The following EAF1 variants were observed in gnomAD, a reference collection of about 807,000 sequenced individuals.
The protein encoded by EAF1 is ELL associated factor 1.
In EAF1, 19 loss-of-function variants were observed where a neutral mutation model predicts 26.6. The ratio of observed to expected loss-of-function variants is 0.71; its 90% CI spans 0.50 to 1.05. The LOEUF (loss-of-function observed/expected upper bound fraction) is 1.05, where lower values mean the gene tolerates loss of function less well. Ranked by LOEUF, EAF1 falls within the 50% of genes least tolerant of loss-of-function variation. The pLI, the probability that EAF1 is intolerant of heterozygous loss-of-function variation, is 0.00. For missense variants in EAF1, 260 were observed against 335.5 expected (o/e 0.78, Z 1.76); for synonymous variants, 102 against 120.6 (o/e 0.85, Z 1.01).
At chr3:15,430,117 G>A (rs1047016078) in intron 2 of EAF1, 110 bp downstream of exon 2, 6 of 865,412 alleles carry the variant, frequency 6.9e-6, no homozygotes, top group Non-Finnish European at 8.6e-6. Flanking sequence ...TTTCTAAAGT[G>A]GCAACTTAAG....
chr3:15,433,674 G>GA (rs2061815577), intron 3 of EAF1, among the ~76,000 whole-genome samples: 1 of 152,186 alleles, frequency 6.6e-6, no homozygotes. Flanking sequence ...ATAGATAATG[G>GA]AAAAAATTTT....
intron 3 of EAF1, among the ~76,000 whole-genome samples, chr3:15,433,827 C>T (rs765632021): frequency 2.0e-5 from 3 of 152,164 alleles, no homozygotes; most frequent in Non-Finnish European, 2.9e-5. Flanking sequence ...GTATGGAAAC[C>T]TGATATACGG....
Position 15,432,418 on chromosome 3 carries a change from A to G in EAF1, c.335+195A>G, listed in dbSNP as rs370102135. ...TTCCTCAAATGCAATAAAAAGAAAT[A>G]ATGTTTTTTAAGACCTAAAACATGG... is the stretch of plus-strand genomic sequence containing the variant. On this transcript the variant is annotated intron_variant, in intron 3 of 5. Coordinates refer to ENST00000396842, the MANE Select transcript of EAF1 (RefSeq NM_033083.7). Among the ~76,000 whole-genome samples, 9 of 152,320 alleles carry G rather than the reference A, an allele frequency of 5.9e-5. No individual in the cohort carries two copies. The South Asian group carries it at 1.2e-3, about 21-fold the overall frequency.
chr3:15,439,238 G>T lies in EAF1; in HGVS notation c.*83G>T. 1 of 1,390,496 alleles carries T rather than the reference G, an allele frequency of 7.2e-7. No individual in the cohort carries two copies. The highest frequency in any genetic ancestry group is 1.3e-5 in the South Asian group (1 of 79,440). 86.1% of individuals were successfully genotyped at this position (1,390,496 alleles called of 1,614,324 possible). Reference sequence around the variant, plus strand: ...CTTTGGCGTGGAGTCCATTGCAAGAGGAAAATGTTATGGATCAGTGACTGT... The same window carrying T: ...CTTTGGCGTGGAGTCCATTGCAAGATGAAAATGTTATGGATCAGTGACTGT... On this transcript the variant is annotated 3_prime_UTR_variant, in exon 6 of 6. Transcript: ENST00000396842.
intron 1 of EAF1, among the ~76,000 whole-genome samples, chr3:15,428,769 A>G (rs1192425460): frequency 6.6e-6 from 1 of 152,174 alleles, no homozygotes; most frequent in African/African-American, 2.4e-5. Context: ...TGATTCATGA[A>G]CTTCTGGTTT....
chr3:15,435,887 G>A (rs2061831602), intron 4 of EAF1, among the ~76,000 whole-genome samples: 1 of 152,064 alleles, frequency 6.6e-6, no homozygotes, highest in South Asian at 2.1e-4. Flanking sequence ...CTTCTACCTA[G>A]GTGTCACTGC....
chr3:15,432,178 A>G lies in EAF1; in HGVS notation c.290A>G (p.Tyr97Cys). The G allele has an allele frequency of 6.2e-7, 1 of 1,614,176 alleles. No homozygotes were observed. Among genetic ancestry groups the G allele is most frequent in the Admixed American group, 1.7e-5 (1 of 60,030 alleles). ...VLIINHDTGE[Y>C]VLEKLSSSIQ... The stretch of plus-strand genomic sequence containing the variant: ...ATTATTAATCATGACACTGGTGAAT[A>G]TGTGCTGGAAAAACTCAGTAGCAGC... The change falls in exon 3 of 6, where the codon TAT becomes TGT. Residue 97 changes from tyrosine (Y) to cysteine (C), a missense_variant. Coordinates refer to ENST00000396842, the MANE Select transcript of EAF1 (RefSeq NM_033083.7).
chr3:15,432,356 C>G, intron 3 of EAF1, 133 bp downstream of exon 3: 3 of 1,088,010 alleles, frequency 2.8e-6, no homozygotes, highest in Non-Finnish European at 3.9e-6. Context: ...TGTGCTCAGA[C>G]AAAATATGTA....
chr3:15,434,648 C>A, intron 4 of EAF1, 110 bp downstream of exon 4: 4 of 1,317,776 alleles, frequency 3.0e-6, no homozygotes, highest in South Asian at 2.8e-5. Flanking sequence ...CATTCAATGC[C>A]ATCAAAAAAA....
chr3:15,434,523 G>T lies in EAF1; in HGVS notation c.511G>T (p.Asp171Tyr), dbSNP rs2061823036. The change falls in exon 4 of 6, where the codon GAT becomes TAT. Residue 171 changes from aspartate to tyrosine, a missense_variant. Coordinates refer to ENST00000396842, the MANE Select transcript of EAF1 (RefSeq NM_033083.7). The part of the protein sequence containing the change: ...KDNPSPEPQL[D>Y]DIKRELRAEV... Reference sequence around the variant, plus strand: ...TAACCCCTCACCTGAACCTCAGTTGGATGACATCAAAAGAGGTAGAGAACA... The same window carrying T: ...TAACCCCTCACCTGAACCTCAGTTGTATGACATCAAAAGAGGTAGAGAACA... 1 of 1,614,040 alleles carries T rather than the reference G, an allele frequency of 6.2e-7. No individual in the cohort carries two copies. Among genetic ancestry groups the T allele is most frequent in the South Asian group, 1.1e-5 (1 of 91,084 alleles).
rs1236102757 is a variant in EAF1, at chr3:15,440,783, A to G, written c.*1628A>G. On this transcript the variant is annotated 3_prime_UTR_variant, in exon 6 of 6. Transcript: ENST00000396842. ...TCAGCCCATCATGAGATTTTGGTGG[A>G]TTTAATGGCAGGTAGGAACTTATTT... The G allele has an allele frequency of 6.6e-6, 1 of 152,622 alleles. No homozygotes were observed. The highest frequency in any genetic ancestry group is 2.4e-5 in the African/African-American group (1 of 41,426). 9.5% of individuals were successfully genotyped at this position (152,622 alleles called of 1,614,324 possible). A position where few individuals can be genotyped will look rare whatever the true frequency, so the allele number is the denominator to read the frequency against.
In EAF1 at chr3:15,434,485, C is replaced by A; in HGVS notation, c.473C>A (p.Ser158Tyr). The change falls in exon 4 of 6, where the codon TCT (serine) becomes TAT (tyrosine). Residue 158 changes from serine (S) to tyrosine (Y), a missense_variant. Coordinates refer to ENST00000396842, the MANE Select transcript of EAF1 (RefSeq NM_033083.7). ...AAGCCTCCAGTTGGACCCAAAACTTCTCCCTTGAAAGATAACCCCTCACCT... is the reference window on the plus strand; with the variant it reads ...AAGCCTCCAGTTGGACCCAAAACTTATCCCTTGAAAGATAACCCCTCACCT... ...PTKPPVGPKT[S>Y]PLKDNPSPEP... 1 of 1,614,196 alleles carries A rather than the reference C, an allele frequency of 6.2e-7. No individual in the cohort carries two copies. The highest frequency in any genetic ancestry group is 8.5e-7 in the Non-Finnish European group (1 of 1,180,032).
chr3:15,431,963 T>G, intron 2 of EAF1, 124 bp from the exon 3 acceptor site: 1 of 1,151,184 alleles, frequency 8.7e-7, no homozygotes, highest in South Asian at 1.9e-5. Flanking sequence ...TAGAAATCAG[T>G]TCAACCTGTT....
chr3:15,435,460 A>G (rs543541253), intron 4 of EAF1, among the ~76,000 whole-genome samples: 93 of 151,962 alleles, frequency 6.1e-4, no homozygotes, highest in African/African-American at 2.2e-3. Flanking sequence ...TGCACTGTGT[A>G]CAGTTGTTTT....
At position 15,440,396 on chromosome 3, in the gene EAF1, A is replaced by C. The variant is rs932901991; in HGVS notation, c.*1241A>C. ...GCTAGTCAATGTTCTATATTTAATG[A>C]ATGTGTGATAAATCATCCTGTAATC... On this transcript the variant is annotated 3_prime_UTR_variant, in exon 6 of 6. Coordinates refer to ENST00000396842, the MANE Select transcript of EAF1 (RefSeq NM_033083.7). 5 of 152,198 alleles carry C rather than the reference A, an allele frequency of 3.3e-5. No homozygotes were observed. Among genetic ancestry groups the C allele is most frequent in the Non-Finnish European group, 5.9e-5 (4 of 68,050 alleles). The allele number at this position is 152,198 out of a possible 1,614,324, so 9.4% of individuals were successfully genotyped here.
At chr3:15,435,820 G>T (rs1042041935) in intron 4 of EAF1, among the ~76,000 whole-genome samples, 7 of 152,194 alleles carry the variant, frequency 4.6e-5, no homozygotes, top group Non-Finnish European at 7.4e-5. Context: ...GAGCTGGAAA[G>T]GACCTTAGAG....
Position 15,441,265 on chromosome 3 carries a change from A to T in EAF1, c.*2110A>T, listed in dbSNP as rs1299857603. On this transcript the variant is annotated 3_prime_UTR_variant, in exon 6 of 6. Transcript: ENST00000396842. ...GCCCTCCAGCTTTACCCACCAGAGT[A>T]AGCAATCTTTTCTTTTTAGAAATCA... 6.5e-6 allele frequency: 1 copy of T among 153,720 alleles called. No individual in the cohort carries two copies. The highest frequency in any genetic ancestry group is 1.5e-5 in the Non-Finnish European group (1 of 68,064). 9.5% of individuals were successfully genotyped at this position (153,720 alleles called of 1,614,324 possible). A position where few individuals can be genotyped will look rare whatever the true frequency, so the allele number is the denominator to read the frequency against.
intron 1 of EAF1, among the ~76,000 whole-genome samples, chr3:15,429,649 G>C (rs1248495658): frequency 6.6e-6 from 1 of 152,174 alleles, no homozygotes; most frequent in Non-Finnish European, 1.5e-5. Flanking sequence ...CAGAGGAAAA[G>C]TATGTGGAGG....
intron 4 of EAF1, among the ~76,000 whole-genome samples, chr3:15,434,885 C>T (rs1559505510): frequency 1.3e-5 from 2 of 152,150 alleles, no homozygotes; most frequent in Non-Finnish European, 2.9e-5. Context: ...GAGGTGAAAA[C>T]TAAGCGTAGG....
Sources: allele counts gnomAD v4.1 joint callset (sites outside exome capture counted in the v4.1 genomes callset), GRCh38; gene constraint gnomAD v4.1.1; transcripts MANE v1.5; gene names NCBI Gene and HGNC (gene_info 2026-07-23, HGNC 2026-07-21).